FSD1L: variants seen among roughly 807,000 people sequenced by gnomAD.
FSD1L encodes FSD1-like protein.
In FSD1L, 45 loss-of-function variants were observed where a neutral mutation model predicts 71.6. The observed-to-expected ratio is 0.63, with a 90% confidence interval of 0.49 to 0.81. The LOEUF is 0.81. Ranked by LOEUF, FSD1L falls within the 30% of genes least tolerant of loss-of-function variation. The pLI is 0.00. For synonymous variants in FSD1L, 197 were observed against 207.2 expected, an observed-to-expected ratio of 0.95 and a Z score of 0.42; for missense variants, 561 against 618.1, an observed-to-expected ratio of 0.91 and a Z score of 0.98.
intron 1 of FSD1L, among the ~76,000 whole-genome samples, chr9:105,454,171 C>G (rs923617640): frequency 6.6e-6 from 1 of 152,160 alleles, no homozygotes; most frequent in Non-Finnish European, 1.5e-5. Context: ...ATGTCACCAT[C>G]TAGTTTTTTG....
At chr9:105,545,064 G>A (rs941747374) in intron 13 of FSD1L, among the ~76,000 whole-genome samples, 1 of 152,098 alleles carries the variant, frequency 6.6e-6, no homozygotes, top group Non-Finnish European at 1.5e-5. Context: ...CATGAGCATG[G>A]AATGTTCTTC....
chr9:105,542,841 T>A (rs180933511), intron 13 of FSD1L, among the ~76,000 whole-genome samples: 2 of 152,362 alleles, frequency 1.3e-5, no homozygotes, highest in Admixed American at 6.5e-5. Flanking sequence ...GGTTATGGTT[T>A]GCATTTTCAT....
At chr9:105,511,595 A>C (rs1175880190) in intron 9 of FSD1L, among the ~76,000 whole-genome samples, 1 of 152,108 alleles carries the variant, frequency 6.6e-6, no homozygotes, top group Admixed American at 6.5e-5. Flanking sequence ...AGATGTTGAA[A>C]GCTGTGAACT....
chr9:105,475,620 CAG>C (rs1831744306), intron 5 of FSD1L, among the ~76,000 whole-genome samples: 2 of 152,166 alleles, frequency 1.3e-5, no homozygotes, highest in Admixed American at 1.3e-4. Flanking sequence ...TATAAAAAAA[CAG>C]ATCTAAATAT....
At chr9:105,463,690 G>A (rs1366143400) in intron 2 of FSD1L, among the ~76,000 whole-genome samples, 1 of 152,164 alleles carries the variant, frequency 6.6e-6, no homozygotes, top group Admixed American at 6.5e-5. Flanking sequence ...CAAAGTCTGA[G>A]CTATCTGCTA....
chr9:105,451,924 G>A (rs1455910855), intron 1 of FSD1L, among the ~76,000 whole-genome samples: 3 of 152,178 alleles, frequency 2.0e-5, no homozygotes, highest in Admixed American at 6.5e-5. Flanking sequence ...GAATAAGAAA[G>A]GGTGGAGAGG....
At chr9:105,454,513 A>G (rs544939478) in intron 1 of FSD1L, among the ~76,000 whole-genome samples, 2 of 152,332 alleles carry the variant, frequency 1.3e-5, no homozygotes, top group South Asian at 2.1e-4. Flanking sequence ...TATTTGATAC[A>G]TATTGTCAAG....
chr9:105,484,286 T>C, intron 6 of FSD1L, 95 bp from the exon 7 acceptor site: 1 of 849,114 alleles, frequency 1.2e-6, no homozygotes, highest in Non-Finnish European at 1.7e-6. Context: ...TCTGAAATTA[T>C]TAGTGATATA....
chr9:105,512,536 A>T (rs1834454464), intron 9 of FSD1L, among the ~76,000 whole-genome samples: 1 of 152,238 alleles, frequency 6.6e-6, no homozygotes, highest in East Asian at 1.9e-4. Flanking sequence ...TTTTAGTAGA[A>T]TGAACAGGAG....
At chr9:105,491,518 A>G (rs1832937489) in intron 7 of FSD1L, among the ~76,000 whole-genome samples, 2 of 152,304 alleles carry the variant, frequency 1.3e-5, no homozygotes, top group Admixed American at 1.3e-4. Context: ...TGCCCTGATC[A>G]GAACTTCCAA....
intron 13 of FSD1L, among the ~76,000 whole-genome samples, chr9:105,540,103 G>C (rs1836514648): frequency 6.6e-6 from 1 of 152,106 alleles, no homozygotes. Context: ...ACAACTAGCA[G>C]TATGTAAGAA....
At chr9:105,452,657 GCCTGCCTGCCTGCCTT>G (rs879875713) in intron 1 of FSD1L, among the ~76,000 whole-genome samples, 2,461 of 128,054 alleles carry the variant, frequency 0.019, 36 homozygotes, top group Middle Eastern at 0.071. Flanking sequence ...CTGCCTGCCT[GCCTGCCTGCCTGCCTT>G]CCTTCCTTCC....
chr9:105,495,045 A>G (rs1833260470), intron 7 of FSD1L, among the ~76,000 whole-genome samples: 2 of 152,020 alleles, frequency 1.3e-5, no homozygotes, highest in African/African-American at 4.8e-5. Context: ...TGTCAGGGAC[A>G]TTGAAGTCTG....
chr9:105,443,919 C>T (rs1305912799), upstream of FSD1L, among the ~76,000 whole-genome samples: 1 of 152,184 alleles, frequency 6.6e-6, no homozygotes. Context: ...CTTTTATGAT[C>T]TCTATTTCAC....
chr9:105,448,376 G>A, intron 1 of FSD1L, 141 bp downstream of exon 1: 3 of 743,086 alleles, frequency 4.0e-6, no homozygotes, highest in Non-Finnish European at 3.9e-6. Flanking sequence ...GGGCAAGGCC[G>A]CCCGGCCGCT....
chr9:105,491,407 A>T (rs1025536318), intron 7 of FSD1L, among the ~76,000 whole-genome samples: 1 of 152,030 alleles, frequency 6.6e-6, no homozygotes, highest in African/African-American at 2.4e-5. Context: ...GGCTGAGACA[A>T]TGGGGTTTCC....
intron 10 of FSD1L, chr9:105,520,503 TATA>T: frequency 9.2e-7 from 1 of 1,081,382 alleles, no homozygotes. Context: ...AACTGGATGC[TATA>T]CTTTTTATTT....
chr9:105,494,812 G>A (rs1833237678), intron 7 of FSD1L, among the ~76,000 whole-genome samples: 1 of 152,280 alleles, frequency 6.6e-6, no homozygotes, highest in Middle Eastern at 3.4e-3. Flanking sequence ...CTGCAGAACA[G>A]TGGATTTTCG....
chr9:105,520,495 C>T lies in FSD1L; in HGVS notation c.1025+7559C>T, dbSNP rs79146108. ...AGGTCACAAGTCTCAAAGAGAGGAA[C>T]TGGATGCTATACTTTTTATTTTTGA... On this transcript the variant is annotated intron_variant, in intron 10 of 13. Transcript: ENST00000481272. 6,843 of 1,062,826 alleles carry T rather than the reference C, an allele frequency of 6.4e-3. 287 individuals carry two copies. The African/African-American group carries it at 0.091, about 14-fold the overall frequency. The allele number at this position is 1,062,826 out of a possible 1,614,324, so 65.8% of individuals were successfully genotyped here.
Sources: allele counts gnomAD v4.1 joint callset (sites outside exome capture counted in the v4.1 genomes callset), GRCh38; gene constraint gnomAD v4.1.1; transcripts MANE v1.5; gene names NCBI Gene and HGNC (gene_info 2026-07-23, HGNC 2026-07-21).